ZFAND3: variants seen among roughly 807,000 people sequenced by gnomAD.
ZFAND3 encodes AN1-type zinc finger protein 3.
ZFAND3 carries 10 observed loss-of-function variants against 29.6 expected under a neutral mutation model. The observed-to-expected ratio is 0.34, with a 90% CI of 0.21 to 0.57. ZFAND3 has a LOEUF of 0.57. Ranked by LOEUF, ZFAND3 falls within the 20% of genes least tolerant of loss-of-function variation. ZFAND3 has a pLI of 0.86. For synonymous variants in ZFAND3, 128 were observed against 112.6 expected (o/e 1.14, Z -0.87); for missense variants, 230 against 304.5 (o/e 0.76, Z 1.82).
At chr6:38,009,566 T>C (rs1381542525) in intron 2 of ZFAND3, among the ~76,000 whole-genome samples, 1 of 152,196 alleles carries the variant, frequency 6.6e-6, no homozygotes, top group Admixed American at 6.5e-5. Flanking sequence ...TATTCTGAAC[T>C]TTTACAGGAT....
At chr6:37,880,341 T>G (rs368890052) in intron 1 of ZFAND3, among the ~76,000 whole-genome samples, 1 of 152,238 alleles carries the variant, frequency 6.6e-6, no homozygotes, top group East Asian at 1.9e-4. Context: ...AAAAATTACT[T>G]TGTTCTGGAG....
chr6:38,026,444 T>C (rs991497379), intron 2 of ZFAND3, among the ~76,000 whole-genome samples: 1 of 120,970 alleles, frequency 8.3e-6, no homozygotes, highest in Non-Finnish European at 1.9e-5. Context: ...TTTTTTTTTT[T>C]TTTGAGACAA....
chr6:37,887,981 T>C lies in ZFAND3; in HGVS notation c.72-41978T>C, dbSNP rs192955253. Among the ~76,000 whole-genome samples, 271 of 152,352 alleles carry C rather than the reference T, an allele frequency of 1.8e-3. 2 individuals are homozygous for C. The highest frequency in any genetic ancestry group is 6.1e-3 in the African/African-American group (252 of 41,590). On this transcript the variant is annotated intron_variant, in intron 1 of 5. Coordinates refer to ENST00000287218, the MANE Select transcript of ZFAND3 (RefSeq NM_021943.3). ...TTCTCATCTATCCGTCATTCTTGAC[T>C]ATACTAAGAAGGCATTCATAGACTC...
At chr6:37,870,267 C>G (rs887088491) in intron 1 of ZFAND3, among the ~76,000 whole-genome samples, 1 of 125,316 alleles carries the variant, frequency 8.0e-6, no homozygotes, top group Non-Finnish European at 1.6e-5. Flanking sequence ...TGTACCCCAG[C>G]CTGGGCGACA....
chr6:38,090,484 G>T (rs1764843496), intron 4 of ZFAND3, among the ~76,000 whole-genome samples: 1 of 152,138 alleles, frequency 6.6e-6, no homozygotes, highest in Non-Finnish European at 1.5e-5. Flanking sequence ...GATTCCTGGG[G>T]CAGGGGACAA....
chr6:38,113,395 C>T, intron 4 of ZFAND3, among the ~76,000 whole-genome samples: 1 of 152,102 alleles, frequency 6.6e-6, no homozygotes, highest in South Asian at 2.1e-4. Context: ...ATTCATTGTT[C>T]AAGAATATTC....
intron 4 of ZFAND3, among the ~76,000 whole-genome samples, chr6:38,100,008 A>G (rs779695739): frequency 6.6e-6 from 1 of 152,190 alleles, no homozygotes; most frequent in Non-Finnish European, 1.5e-5. Context: ...TGTAACTGAC[A>G]AGATTCAGCT....
chr6:37,909,024 C>T lies in ZFAND3; in HGVS notation c.72-20935C>T, dbSNP rs146670337. Among the ~76,000 whole-genome samples the T allele has an allele frequency of 1.8e-3, 274 of 152,142 alleles. 1 individual carries two copies. Among genetic ancestry groups the T allele is most frequent in the Middle Eastern group, 0.01 (3 of 294 alleles). ...GTTTCTGTACTTGGGTAAATATACC[C>T]CAGATGTCTCATTGACTTGTTACAT... On this transcript the variant is annotated intron_variant, in intron 1 of 5. Transcript: ENST00000287218.
intron 1 of ZFAND3, among the ~76,000 whole-genome samples, chr6:37,928,145 C>T (rs1444794690): frequency 2.6e-5 from 4 of 152,248 alleles, no homozygotes; most frequent in Non-Finnish European, 2.9e-5. Flanking sequence ...TTGACAGCAT[C>T]TTTTTTGGGA....
chr6:37,841,001 C>T (rs1764063326), intron 1 of ZFAND3, among the ~76,000 whole-genome samples: 1 of 152,170 alleles, frequency 6.6e-6, no homozygotes, highest in Non-Finnish European at 1.5e-5. Flanking sequence ...ATCTGTTATA[C>T]ATTTGTCTCA....
At chr6:38,099,428 G>A (rs910598286) in intron 4 of ZFAND3, among the ~76,000 whole-genome samples, 1 of 152,124 alleles carries the variant, frequency 6.6e-6, no homozygotes, top group Non-Finnish European at 1.5e-5. Context: ...TTGGCCTTAT[G>A]CACCCCGTCA....
intron 2 of ZFAND3, among the ~76,000 whole-genome samples, chr6:37,963,875 A>G (rs1762245255): frequency 6.6e-6 from 1 of 152,226 alleles, no homozygotes; most frequent in African/African-American, 2.4e-5. Flanking sequence ...AATGCAAGGT[A>G]CATTATAGAT....
chr6:37,953,803 T>C (rs1004223413), intron 2 of ZFAND3, among the ~76,000 whole-genome samples: 3 of 152,200 alleles, frequency 2.0e-5, no homozygotes, highest in Non-Finnish European at 2.9e-5. Context: ...TCATATGTAC[T>C]TGTCTATTTA....
intron 1 of ZFAND3, among the ~76,000 whole-genome samples, chr6:37,894,538 A>G (rs2127398062): frequency 6.6e-6 from 1 of 151,866 alleles, no homozygotes; most frequent in Non-Finnish European, 1.5e-5. Context: ...TAATTTTTTT[A>G]TGTTTAAATT....
intron 2 of ZFAND3, among the ~76,000 whole-genome samples, chr6:37,979,423 C>T (rs760290975): frequency 2.0e-5 from 3 of 152,118 alleles, no homozygotes; most frequent in Non-Finnish European, 4.4e-5. Context: ...AAATCTTGAG[C>T]TTTGTTCGAA....
chr6:37,923,645 T>C (rs1295076401), intron 1 of ZFAND3, among the ~76,000 whole-genome samples: 1 of 152,250 alleles, frequency 6.6e-6, no homozygotes, highest in Non-Finnish European at 1.5e-5. Context: ...CTGTATGTGC[T>C]AGACTTTTAT....
intron 1 of ZFAND3, among the ~76,000 whole-genome samples, chr6:37,848,285 T>C (rs767974725): frequency 2.8e-4 from 42 of 152,254 alleles, no homozygotes; most frequent in Non-Finnish European, 4.6e-4. Flanking sequence ...TTTTTAAAAA[T>C]AGCTTACATT....
chr6:38,000,901 T>A (rs1454505022), intron 2 of ZFAND3, among the ~76,000 whole-genome samples: 1 of 152,208 alleles, frequency 6.6e-6, no homozygotes, highest in Admixed American at 6.5e-5. Context: ...AACCAAACCA[T>A]ATCACTGACT....
At chr6:37,987,133 C>A (rs1036735124) in intron 2 of ZFAND3, among the ~76,000 whole-genome samples, 3 of 152,066 alleles carry the variant, frequency 2.0e-5, no homozygotes, top group African/African-American at 7.2e-5. Context: ...GAAATTTAAT[C>A]CCAGTTCTAG....
Sources: gnomAD v4.1 joint callset for allele counts (sites outside exome capture counted in the v4.1 genomes callset) on GRCh38, gnomAD v4.1.1 for gene constraint, MANE v1.5 for transcripts, NCBI Gene and HGNC (gene_info 2026-07-23, HGNC 2026-07-21) for gene names.